FGGY: variants seen among roughly 807,000 people sequenced by gnomAD.
The protein encoded by FGGY is FGGY carbohydrate kinase domain containing.
A neutral mutation model predicts 71.3 loss-of-function variants in FGGY; 72 were observed. That is an observed-to-expected ratio of 1.01 (90% CI 0.84 to 1.23). The LOEUF (loss-of-function observed/expected upper bound fraction) is 1.23. Ranked by LOEUF, FGGY falls within the 50% of genes most tolerant of loss-of-function variation. The pLI is 0.00. For missense variants in FGGY, 668 were observed against 682.3 expected (o/e 0.98, Z 0.23); for synonymous variants, 251 against 250.3 (o/e 1.00, Z -0.02).
At chr1:59,525,976 C>T (rs2094965659) in intron 7 of FGGY, among the ~76,000 whole-genome samples, 1 of 152,012 alleles carries the variant, frequency 6.6e-6, no homozygotes, top group Admixed American at 6.6e-5. Flanking sequence ...TGCATCCATG[C>T]CTGTGTCTGA....
chr1:59,754,531 C>A (rs2098274152), intron 14 of FGGY, among the ~76,000 whole-genome samples: 1 of 152,208 alleles, frequency 6.6e-6, no homozygotes, highest in Admixed American at 6.5e-5. Flanking sequence ...TCAAGCAATT[C>A]TTGTGCCTCA....
chr1:59,609,704 A>G (rs369747497), intron 9 of FGGY, among the ~76,000 whole-genome samples: 7 of 152,260 alleles, frequency 4.6e-5, no homozygotes, highest in African/African-American at 1.7e-4. Flanking sequence ...AGCTGGATGT[A>G]TATGCAAATA....
rs147926450 is a variant in FGGY at position 59,554,208 on chromosome 1, C to T, written c.884C>T (p.Thr295Met). Residue 295 changes from threonine to methionine, a missense_variant, in exon 8 of 16, where the codon ACG becomes ATG. Thr to Met is a moderately conservative substitution (Grantham distance 81). Transcript: ENST00000303721. Reference protein sequence around the residue: ...VTSRLAVICGTSSCHMGISKD... With the variant: ...VTSRLAVICGMSSCHMGISKD... ...TCACGGCTGGCTGTCATCTGTGGAA[C>T]GTCTTCTTGTCACATGGGGGTGAGT... 46 of 1,613,394 alleles carry T rather than the reference C, an allele frequency of 2.9e-5. No individual in the cohort carries two copies. The highest frequency in any genetic ancestry group is 3.4e-4 in the Middle Eastern group (2 of 5,942).
chr1:59,651,849 G>A (rs1016374312), intron 11 of FGGY, among the ~76,000 whole-genome samples: 3 of 151,828 alleles, frequency 2.0e-5, no homozygotes, highest in African/African-American at 4.8e-5. Context: ...TCCTAGTCTC[G>A]ATGGTCTTTA....
At chr1:59,491,058 C>CTTT (rs140934771) in intron 6 of FGGY, among the ~76,000 whole-genome samples, 2 of 28,780 alleles carry the variant, frequency 6.9e-5, no homozygotes, top group African/African-American at 4.5e-4. Context: ...TTCCTTCCTT[C>CTTT]CTTCCTTCCT....
intron 11 of FGGY, among the ~76,000 whole-genome samples, chr1:59,652,201 C>A (rs2097169752): frequency 6.6e-6 from 1 of 150,480 alleles, no homozygotes; most frequent in Middle Eastern, 3.5e-3. Flanking sequence ...TCCTTCATTT[C>A]AACTTTGGTG....
intron 12 of FGGY, 46 bp downstream of exon 12, chr1:59,660,339 T>G: frequency 6.7e-7 from 1 of 1,498,184 alleles, no homozygotes; most frequent in South Asian, 1.1e-5. Flanking sequence ...GAGCCATCAG[T>G]ATACTCTAGG....
intron 14 of FGGY, among the ~76,000 whole-genome samples, chr1:59,747,474 G>A (rs2098210069): frequency 6.6e-6 from 1 of 152,164 alleles, no homozygotes; most frequent in Admixed American, 6.5e-5. Context: ...AGTGTGCTGA[G>A]CAAAACCCTA....
At chr1:59,755,824 G>A (rs546678465) in intron 14 of FGGY, 2 of 152,298 alleles carry the variant, frequency 1.3e-5, no homozygotes, top group Admixed American at 1.3e-4. Flanking sequence ...TGTCTCAAGT[G>A]TGGGGCCAAA....
intron 5 of FGGY, among the ~76,000 whole-genome samples, chr1:59,385,787 T>G (rs2060005371): frequency 6.6e-6 from 1 of 152,136 alleles, no homozygotes; most frequent in South Asian, 2.1e-4. Context: ...AGAGAATTCA[T>G]AATTACTAAT....
chr1:59,586,656 A>G (rs1010450131), intron 8 of FGGY, among the ~76,000 whole-genome samples: 2 of 152,188 alleles, frequency 1.3e-5, no homozygotes, highest in African/African-American at 4.8e-5. Flanking sequence ...TTAAAGTATA[A>G]TAATAAAAAA....
At chr1:59,528,965 A>C (rs189413868) in intron 7 of FGGY, among the ~76,000 whole-genome samples, 23 of 152,346 alleles carry the variant, frequency 1.5e-4, no homozygotes, top group Admixed American at 1.5e-3. Context: ...ACATGCAGAC[A>C]ATAACTATTT....
At chr1:59,410,391 GT>G (rs1170275697) in intron 5 of FGGY, among the ~76,000 whole-genome samples, 3 of 152,142 alleles carry the variant, frequency 2.0e-5, no homozygotes, top group Non-Finnish European at 4.4e-5. Context: ...ACTCAGAAAG[GT>G]TGAGTCACTT....
At chr1:59,671,487 A>G (rs2097376823) in intron 13 of FGGY, among the ~76,000 whole-genome samples, 1 of 152,188 alleles carries the variant, frequency 6.6e-6, no homozygotes, top group Non-Finnish European at 1.5e-5. Flanking sequence ...GCAGGGGCCC[A>G]CAGCTGTGAT....
intron 5 of FGGY, among the ~76,000 whole-genome samples, chr1:59,426,241 A>T (rs920652664): frequency 3.3e-5 from 5 of 152,164 alleles, no homozygotes; most frequent in African/African-American, 1.2e-4. Flanking sequence ...TTGCTAGTCC[A>T]GAAGAAATGG....
rs372869163 is a variant in FGGY, at chr1:59,681,783, TAC to T, written c.1512+7670_1512+7671del. Among the ~76,000 whole-genome samples the T allele has an allele frequency of 4.9e-3, 667 of 136,704 alleles. 9 individuals are homozygous for T. Among genetic ancestry groups the T allele is most frequent in the African/African-American group, 0.015 (553 of 36,120 alleles). 89.7% of individuals were successfully genotyped at this position (136,704 alleles called of 152,430 possible). ...TGATGGGGAAAATTGCCTTGAAAAA[TAC>T]ACACACACACACACACACATGCACA... is the stretch of plus-strand genomic sequence containing the variant. On this transcript the variant is annotated intron_variant, in intron 14 of 15. Coordinates refer to ENST00000303721, the MANE Select transcript of FGGY (RefSeq NM_018291.5).
chr1:59,673,382 G>A (rs933657447), intron 13 of FGGY, among the ~76,000 whole-genome samples: 3 of 152,140 alleles, frequency 2.0e-5, no homozygotes, highest in South Asian at 2.1e-4. Context: ...TAAGGGCCCC[G>A]AGGCACACTC....
intron 8 of FGGY, among the ~76,000 whole-genome samples, chr1:59,567,320 A>AATAT (rs145950972): frequency 6.6e-6 from 1 of 151,416 alleles, no homozygotes; most frequent in African/African-American, 2.4e-5. Context: ...GCAGGCCAAA[A>AATAT]ATATATATAT....
chr1:59,448,091 G>C (rs2071741179), intron 5 of FGGY, among the ~76,000 whole-genome samples: 1 of 152,040 alleles, frequency 6.6e-6, no homozygotes, highest in African/African-American at 2.4e-5. Context: ...GGTTTTTCCT[G>C]CTGCTATTTA....
Sources: allele counts gnomAD v4.1 joint callset (sites outside exome capture counted in the v4.1 genomes callset), GRCh38; gene constraint gnomAD v4.1.1; transcripts MANE v1.5; gene names NCBI Gene and HGNC (gene_info 2026-07-23, HGNC 2026-07-21).